Variants in SYN3 observed in about 807,000 individuals in gnomAD.
SYN3 encodes synapsin-3.
SYN3 carries 35 observed loss-of-function variants against 65.8 expected under a neutral mutation model. The observed-to-expected ratio is 0.53, with a 90% CI of 0.41 to 0.70. The LOEUF is 0.70. Among genes scored for constraint, SYN3 ranks in the 30% least tolerant of loss-of-function variants. The probability of loss-of-function intolerance (pLI) is 0.00; values close to 1 mark genes in which losing one functional copy is unlikely to be tolerated. For synonymous variants in SYN3, 270 were observed against 292.9 expected, an observed-to-expected ratio of 0.92 and a Z score of 0.80; for missense variants, 680 against 749.0, an observed-to-expected ratio of 0.91 and a Z score of 1.08.
chr22:32,778,814 G>C (rs962468030), intron 6 of SYN3, among the ~76,000 whole-genome samples: 2 of 152,068 alleles, frequency 1.3e-5, no homozygotes, highest in Admixed American at 1.3e-4. Context: ...TAATAAGAAA[G>C]CAACACACAA....
chr22:32,951,122 T>C (rs2051276845), intron 3 of SYN3, among the ~76,000 whole-genome samples: 1 of 152,160 alleles, frequency 6.6e-6, no homozygotes. Flanking sequence ...ATAGCAGTGA[T>C]AATAAAAAGG....
intron 6 of SYN3, among the ~76,000 whole-genome samples, chr22:32,850,848 G>A (rs1348464170): frequency 3.3e-5 from 5 of 152,196 alleles, no homozygotes; most frequent in Admixed American, 2.6e-4. Flanking sequence ...TGTCCAGGTA[G>A]AAGGGAGTGG....
chr22:32,857,187 T>G, intron 6 of SYN3: 1 of 1,259,692 alleles, frequency 7.9e-7, no homozygotes, highest in Non-Finnish European at 1.2e-6. Flanking sequence ...GCAGTGGGAT[T>G]AGGGATCATA....
intron 6 of SYN3, among the ~76,000 whole-genome samples, chr22:32,815,657 C>T (rs974463412): frequency 2.6e-5 from 4 of 152,164 alleles, no homozygotes; most frequent in Non-Finnish European, 5.9e-5. Flanking sequence ...CTATTCTTTA[C>T]TATAAACATA....
intron 9 of SYN3, among the ~76,000 whole-genome samples, chr22:32,537,718 G>A (rs2058188477): frequency 6.6e-6 from 1 of 152,130 alleles, no homozygotes; most frequent in South Asian, 2.1e-4. Context: ...AGCTGGTCAG[G>A]GCTGGAAAGA....
intron 6 of SYN3, among the ~76,000 whole-genome samples, chr22:32,798,835 G>A (rs1305068746): frequency 6.6e-6 from 1 of 151,890 alleles, no homozygotes; most frequent in African/African-American, 2.4e-5. Context: ...GGGACTACAG[G>A]CGCCCACCAC....
At chr22:32,869,253 G>C (rs993519160) in intron 4 of SYN3, 128 bp from the exon 5 acceptor site, 1 of 957,868 alleles carries the variant, frequency 1.0e-6, no homozygotes, top group Non-Finnish European at 1.6e-6. Flanking sequence ...GTGGGAGCAG[G>C]TGGGGGATGA....
At chr22:33,043,345 C>G (rs1192625115) in intron 1 of SYN3, among the ~76,000 whole-genome samples, 1 of 151,966 alleles carries the variant, frequency 6.6e-6, no homozygotes, top group East Asian at 2.0e-4. Context: ...GTCAGTAGTT[C>G]AAGACCAGCC....
chr22:32,557,725 C>T (rs544567738), intron 7 of SYN3, among the ~76,000 whole-genome samples: 2 of 152,346 alleles, frequency 1.3e-5, no homozygotes, highest in African/African-American at 4.8e-5. Flanking sequence ...CACCCGGTGC[C>T]TTTCCCAGCC....
chr22:32,585,950 A>C (rs145668142), intron 7 of SYN3, among the ~76,000 whole-genome samples: 2,497 of 40,508 alleles, frequency 0.062, 27 homozygotes, highest in Non-Finnish European at 0.12. Flanking sequence ...GTATGTATAC[A>C]TATATGTGTA....
intron 10 of SYN3, among the ~76,000 whole-genome samples, chr22:32,531,230 T>G (rs2058066703): frequency 6.8e-6 from 1 of 146,212 alleles, no homozygotes; most frequent in Non-Finnish European, 1.5e-5. Context: ...AGGTCGTACC[T>G]GGGACTGAGG....
intron 4 of SYN3, among the ~76,000 whole-genome samples, chr22:32,928,500 T>C (rs2146679654): frequency 6.6e-6 from 1 of 152,342 alleles, no homozygotes; most frequent in South Asian, 2.1e-4. Context: ...TCTCATGCAA[T>C]TTATTAATGC....
At chr22:32,662,814 C>G (rs1279537020) in intron 6 of SYN3, among the ~76,000 whole-genome samples, 1 of 152,120 alleles carries the variant, frequency 6.6e-6, no homozygotes, top group African/African-American at 2.4e-5. Context: ...ATATGTGTTC[C>G]AAGCACTGTG....
chr22:33,011,697 G>T (rs986710188), intron 1 of SYN3, among the ~76,000 whole-genome samples: 1 of 151,994 alleles, frequency 6.6e-6, no homozygotes, highest in Non-Finnish European at 1.5e-5. Context: ...AAACCATCTG[G>T]GGTTGGTTTT....
intron 6 of SYN3, among the ~76,000 whole-genome samples, chr22:32,819,820 G>A (rs2047185844): frequency 6.6e-6 from 1 of 152,208 alleles, no homozygotes. Context: ...CTTGCTATCT[G>A]TCCATAACTT....
At position 32,731,750 on chromosome 22, in the gene SYN3, G is replaced by T. The variant is rs563266036; in HGVS notation, c.711+133165C>A. ...GGTTAATGACAAAGCCCTTTACAAGGCTTCCAAATGTTTCTAAATATATCA... is the reference window on the plus strand; with the variant it reads ...GGTTAATGACAAAGCCCTTTACAAGTCTTCCAAATGTTTCTAAATATATCA... On this transcript the variant is annotated intron_variant, in intron 6 of 13. Transcript: ENST00000358763. Among the ~76,000 whole-genome samples the T allele has an allele frequency of 2.3e-3, 344 of 152,268 alleles. 7 individuals are homozygous for T. The highest frequency in any genetic ancestry group is 3.1e-3 in the Non-Finnish European group (210 of 68,030).
chr22:32,828,357 G>C (rs2047475061), intron 6 of SYN3, among the ~76,000 whole-genome samples: 1 of 152,218 alleles, frequency 6.6e-6, no homozygotes, highest in Non-Finnish European at 1.5e-5. Flanking sequence ...TTGATGTGAA[G>C]TAGCAAATCT....
At chr22:32,809,788 C>T (rs936809437) in intron 6 of SYN3, among the ~76,000 whole-genome samples, 2 of 152,156 alleles carry the variant, frequency 1.3e-5, no homozygotes, top group Admixed American at 1.3e-4. Flanking sequence ...ATTGCATTGT[C>T]GGATTTGGGT....
Position 32,931,525 on chromosome 22 carries a change from C to T in SYN3, c.370-44G>A, listed in dbSNP as rs376894992. On this transcript the variant is annotated intron_variant, in intron 3 of 13. Transcript: ENST00000358763. ...CAAAAAAGGATTCATCAAATACCAACGGTGGTAACAACGGTTAACACATAT... is the reference window on the plus strand; with the variant it reads ...CAAAAAAGGATTCATCAAATACCAATGGTGGTAACAACGGTTAACACATAT... The T allele has an allele frequency of 2.2e-4, 299 of 1,381,842 alleles. 1 individual carries two copies. The highest frequency in any genetic ancestry group is 1.8e-3 in the South Asian group (154 of 86,116). The allele number at this position is 1,381,842 out of a possible 1,614,324, so 85.6% of individuals were successfully genotyped here. A position where few individuals can be genotyped will look rare whatever the true frequency, so the allele number is the denominator to read the frequency against.
Sources: gnomAD v4.1 joint callset for allele counts (sites outside exome capture counted in the v4.1 genomes callset) on GRCh38, gnomAD v4.1.1 for gene constraint, MANE v1.5 for transcripts, NCBI Gene and HGNC (gene_info 2026-07-23, HGNC 2026-07-21) for gene names.